TENM4: variants seen among roughly 807,000 people sequenced by gnomAD.
TENM4 encodes teneurin-4.
Under a neutral mutation model 243.3 loss-of-function variants are expected in TENM4, and 82 were observed. The observed-to-expected ratio is 0.34, with a 90% CI of 0.28 to 0.40. The LOEUF is 0.40. TENM4 is among the 10% of genes least tolerant of loss of function. The probability of loss-of-function intolerance (pLI) is 1.00; values close to 1 mark genes in which losing one functional copy is unlikely to be tolerated. For missense variants in TENM4, 3,138 were observed against 3,673.3 expected (o/e 0.85, Z 3.77); for synonymous variants, 1,412 against 1,456.3 (o/e 0.97, Z 0.69).
At chr11:79,022,069 T>C (rs924979907) in intron 6 of TENM4, among the ~76,000 whole-genome samples, 2 of 152,198 alleles carry the variant, frequency 1.3e-5, no homozygotes, top group Admixed American at 6.5e-5. Flanking sequence ...GAGAGATGGA[T>C]GGCTTAAGTC....
intron 2 of TENM4, among the ~76,000 whole-genome samples, chr11:79,248,346 T>C (rs183966622): frequency 1.6e-4 from 24 of 152,306 alleles, no homozygotes; most frequent in African/African-American, 4.3e-4. Context: ...TTCTGGGCAT[T>C]AGAGTGAGTG....
intron 6 of TENM4, among the ~76,000 whole-genome samples, chr11:79,026,658 T>C (rs925289931): frequency 2.0e-5 from 3 of 152,192 alleles, no homozygotes; most frequent in African/African-American, 7.2e-5. Flanking sequence ...CTTCAGCTAC[T>C]TCTCACAGCA....
intron 33 of TENM4, among the ~76,000 whole-genome samples, chr11:78,660,168 G>C (rs1295209613): frequency 1.3e-5 from 2 of 152,152 alleles, no homozygotes; most frequent in African/African-American, 4.8e-5. Flanking sequence ...TATCTGGGCG[G>C]GGCCTGGAGG....
At chr11:79,159,251 C>A (rs1000125030) in intron 3 of TENM4, among the ~76,000 whole-genome samples, 2 of 152,094 alleles carry the variant, frequency 1.3e-5, no homozygotes, top group African/African-American at 4.8e-5. Flanking sequence ...TCTTAGTCTA[C>A]CCGGACTGCT....
intron 7 of TENM4, among the ~76,000 whole-genome samples, chr11:78,893,780 TACAC>T (rs368536086): frequency 7.0e-6 from 1 of 142,668 alleles, no homozygotes; most frequent in African/African-American, 2.8e-5. Context: ...GGACTTCACA[TACAC>T]ACACACACAC....
chr11:79,195,847 G>A (rs558825119), intron 3 of TENM4, among the ~76,000 whole-genome samples: 1 of 152,208 alleles, frequency 6.6e-6, no homozygotes, highest in Non-Finnish European at 1.5e-5. Context: ...GAGATTTGGA[G>A]GGGCCAGGAG....
intron 1 of TENM4, among the ~76,000 whole-genome samples, chr11:79,350,932 C>A (rs1857404013): frequency 6.6e-6 from 1 of 152,158 alleles, no homozygotes; most frequent in Non-Finnish European, 1.5e-5. Context: ...CACTGGCCTC[C>A]AAGATTCTAT....
intron 6 of TENM4, among the ~76,000 whole-genome samples, chr11:78,970,558 A>T (rs919452445): frequency 6.6e-6 from 1 of 152,216 alleles, no homozygotes; most frequent in Non-Finnish European, 1.5e-5. Flanking sequence ...CAGAGGATGC[A>T]GTCTGTAGCA....
At chr11:78,997,884 C>T (rs922896997) in intron 6 of TENM4, among the ~76,000 whole-genome samples, 3 of 152,146 alleles carry the variant, frequency 2.0e-5, no homozygotes, top group African/African-American at 4.8e-5. Context: ...ACCGTGATGA[C>T]AGGATCAGTG....
In TENM4 at chr11:79,235,809, C is replaced by T. The variant is rs564913022; in HGVS notation, c.-264-19900G>A. Among the ~76,000 whole-genome samples the T allele has an allele frequency of 2.6e-5, 4 of 152,226 alleles. No homozygotes were observed. In the East Asian group the frequency reaches 7.7e-4, roughly 29 times the overall value. The stretch of plus-strand genomic sequence containing the variant: ...CATAATGAACACTCCCTTCTCCAGG[C>T]CCCCTTGCCCTCCTTTCTTTGAGCT... On this transcript the variant is annotated intron_variant, in intron 2 of 33. Coordinates refer to ENST00000278550, the MANE Select transcript of TENM4 (RefSeq NM_001098816.3).
rs576142886 is a variant in TENM4, at chr11:79,407,299, C to T, written c.-321+33210G>A. Among the ~76,000 whole-genome samples the T allele has an allele frequency of 7.9e-5, 12 of 152,236 alleles. No homozygotes were observed. In the South Asian group the frequency reaches 8.3e-4, roughly 11 times the overall value. Reference sequence around the variant, plus strand: ...ACTGTTTTATAAAACTGATGCTGGACGTCTTAATGAGGGATATAATTTAAA... The same window carrying T: ...ACTGTTTTATAAAACTGATGCTGGATGTCTTAATGAGGGATATAATTTAAA... On this transcript the variant is annotated intron_variant, in intron 1 of 33. Coordinates refer to ENST00000278550, the MANE Select transcript of TENM4 (RefSeq NM_001098816.3).
At chr11:79,133,727 C>A (rs181673405) in intron 4 of TENM4, among the ~76,000 whole-genome samples, 194 of 152,150 alleles carry the variant, frequency 1.3e-3, no homozygotes, top group African/African-American at 4.3e-3. Context: ...TGCTACACCA[C>A]GTAAACAGAA....
chr11:78,960,225 T>C (rs1030187492), intron 6 of TENM4, among the ~76,000 whole-genome samples: 5 of 151,778 alleles, frequency 3.3e-5, no homozygotes, highest in Non-Finnish European at 7.4e-5. Flanking sequence ...AGTAGGGACA[T>C]TGAACCACCA....
chr11:79,153,218 T>C (rs1862542872), intron 3 of TENM4, among the ~76,000 whole-genome samples: 1 of 152,184 alleles, frequency 6.6e-6, no homozygotes, highest in East Asian at 1.9e-4. Flanking sequence ...ATGTCAGTAA[T>C]GAGTAACTAC....
intron 6 of TENM4, among the ~76,000 whole-genome samples, chr11:78,941,351 G>A (rs1856890471): frequency 6.6e-6 from 1 of 152,256 alleles, no homozygotes; most frequent in African/African-American, 2.4e-5. Flanking sequence ...GAGCTGTGAA[G>A]GCACCAGGTG....
intron 1 of TENM4, among the ~76,000 whole-genome samples, chr11:79,430,209 GAA>G (rs67750723): frequency 4.1e-5 from 6 of 146,642 alleles, no homozygotes; most frequent in Admixed American, 6.8e-5. Flanking sequence ...AAAGAAAAAA[GAA>G]AAAAAAAAGG....
chr11:79,142,509 C>T (rs1862305585), intron 4 of TENM4, among the ~76,000 whole-genome samples: 1 of 152,028 alleles, frequency 6.6e-6, no homozygotes, highest in Non-Finnish European at 1.5e-5. Context: ...AAAGATATTT[C>T]TTGTTTATGG....
rs1240472485 is a variant in TENM4, at chr11:79,142,761, C to CA, written c.-66+5948dup. On this transcript the variant is annotated intron_variant, in intron 4 of 33. Transcript: ENST00000278550. ...TACAGAGCTATAGTAACCAAAACAG[C>CA]ATGGTACTGGTATAAAAACAGACAC... Among the ~76,000 whole-genome samples, 3 of 152,212 alleles carry CA rather than the reference C, an allele frequency of 2.0e-5. No individual in the cohort carries two copies. In the South Asian group the frequency reaches 6.2e-4, roughly 32 times the overall value.
At chr11:79,228,158 C>G (rs1055391988) in intron 2 of TENM4, among the ~76,000 whole-genome samples, 2 of 152,174 alleles carry the variant, frequency 1.3e-5, no homozygotes, top group Non-Finnish European at 2.9e-5. Context: ...ATAAAGCCCA[C>G]TAGAAATGAA....
Sources: allele counts gnomAD v4.1 joint callset (sites outside exome capture counted in the v4.1 genomes callset), GRCh38; gene constraint gnomAD v4.1.1; transcripts MANE v1.5; gene names NCBI Gene and HGNC (gene_info 2026-07-23, HGNC 2026-07-21).